Variants in MBNL3 observed in about 807,000 individuals in gnomAD.
MBNL3 encodes muscleblind like splicing regulator 3.
A neutral mutation model predicts 24.5 loss-of-function variants in MBNL3; 6 were observed. The observed-to-expected ratio is 0.25, with a 90% CI of 0.13 to 0.48. The LOEUF (loss-of-function observed/expected upper bound fraction) is 0.48, where lower values mean the gene tolerates loss of function less well. MBNL3 is among the 20% of genes least tolerant of loss of function. The pLI, the probability that MBNL3 is intolerant of heterozygous loss-of-function variation, is 0.99. For synonymous variants in MBNL3, 100 were observed against 101.7 expected, an observed-to-expected ratio of 0.98 and a Z score of 0.10; for missense variants, 230 against 293.5, an observed-to-expected ratio of 0.78 and a Z score of 1.58.
At chrX:132,468,069 GCTGA>G (rs1195162223) in intron 1 of MBNL3, among the ~76,000 whole-genome samples, 3 of 112,071 alleles carry the variant, frequency 2.7e-5, no homozygotes, top group Non-Finnish European at 5.6e-5. Context: ...GATGCTACTG[GCTGA>G]CTAAAATAAA....
At chrX:132,388,194 C>G (rs913888694) in intron 5 of MBNL3, among the ~76,000 whole-genome samples, 3 of 111,582 alleles carry the variant, frequency 2.7e-5, no homozygotes, top group Admixed American at 1.9e-4. Flanking sequence ...TGTGACAGAT[C>G]TGCTTTTCAT....
chrX:132,465,673 T>A (rs1946848493), intron 1 of MBNL3, among the ~76,000 whole-genome samples: 1 of 111,945 alleles, frequency 8.9e-6, no homozygotes, highest in Non-Finnish European at 1.9e-5. Context: ...TCCCTCCAAA[T>A]ACAAATGCAT....
At chrX:132,431,968 C>T (rs1944775567) in intron 2 of MBNL3, 1 of 111,808 alleles carries the variant, frequency 8.9e-6, no homozygotes, top group Admixed American at 9.5e-5. Context: ...GATTTACTAA[C>T]TAGAATCCTG....
At chrX:132,396,955 T>TAC (rs1367890326) in intron 3 of MBNL3, among the ~76,000 whole-genome samples, 2 of 83,543 alleles carry the variant, frequency 2.4e-5, no homozygotes, top group East Asian at 3.5e-4. Context: ...TATTCATATA[T>TAC]ATTCATATAT....
intron 5 of MBNL3, among the ~76,000 whole-genome samples, chrX:132,389,465 A>G (rs950323076): frequency 1.8e-5 from 2 of 112,169 alleles, no homozygotes; most frequent in African/African-American, 6.5e-5. Context: ...TCAACTCGGT[A>G]TGAGGAAAAC....
chrX:132,443,000 C>T (rs1427230828), intron 1 of MBNL3, among the ~76,000 whole-genome samples: 2 of 112,005 alleles, frequency 1.8e-5, no homozygotes, highest in African/African-American at 3.2e-5. Flanking sequence ...TTCTTAAGAT[C>T]AGTTTTGTTT....
At chrX:132,391,802 T>C (rs1937215176) in intron 4 of MBNL3, among the ~76,000 whole-genome samples, 2 of 111,812 alleles carry the variant, frequency 1.8e-5, no homozygotes, top group African/African-American at 6.5e-5. Context: ...TCTACTTTTT[T>C]CCCACTTTGA....
intron 1 of MBNL3, among the ~76,000 whole-genome samples, chrX:132,488,127 C>G (rs1331238804): frequency 3.6e-5 from 4 of 111,884 alleles, no homozygotes; most frequent in Non-Finnish European, 5.6e-5. Context: ...GTAAGAACAT[C>G]TAGGAGAAAA....
chrX:132,451,743 G>A (rs1386021783), intron 1 of MBNL3, among the ~76,000 whole-genome samples: 2 of 111,643 alleles, frequency 1.8e-5, no homozygotes, highest in Non-Finnish European at 3.8e-5. Context: ...AGCTAGCTCA[G>A]TGTCTCCCCA....
At chrX:132,479,385 C>T (rs1233086698) in intron 1 of MBNL3, among the ~76,000 whole-genome samples, 2 of 112,652 alleles carry the variant, frequency 1.8e-5, no homozygotes, top group Non-Finnish European at 3.7e-5. Context: ...GTTTCTAAAT[C>T]GAATACGGTC....
At chrX:132,409,482 T>A (rs1196981025) in intron 2 of MBNL3, among the ~76,000 whole-genome samples, 1 of 111,648 alleles carries the variant, frequency 9.0e-6, no homozygotes, top group African/African-American at 3.3e-5. Flanking sequence ...CCCTATCACA[T>A]TGGGTCTATA....
intron 1 of MBNL3, among the ~76,000 whole-genome samples, chrX:132,485,461 T>C (rs1024096479): frequency 2.7e-5 from 3 of 112,340 alleles, no homozygotes; most frequent in Non-Finnish European, 5.6e-5. Flanking sequence ...AATATTTTCT[T>C]ATCCCTTTCA....
intron 2 of MBNL3, among the ~76,000 whole-genome samples, chrX:132,436,444 C>T (rs969392271): frequency 2.7e-5 from 3 of 111,816 alleles, no homozygotes; most frequent in African/African-American, 9.7e-5. Context: ...AGGCAATAAC[C>T]ATCATCTGGT....
At chrX:132,469,185 C>T (rs779161584) in intron 1 of MBNL3, among the ~76,000 whole-genome samples, 1 of 112,449 alleles carries the variant, frequency 8.9e-6, no homozygotes, top group African/African-American at 3.2e-5. Context: ...AGGGTTTCAG[C>T]ATCCCCATCA....
At position 132,380,415 on chromosome X, in the gene MBNL3, C is replaced by T. The variant is rs139173888; in HGVS notation, c.1054-738G>A. ...CTCTGGAAACAATGACAATTTATAG[C>T]TCCTTCAGTTATCCCATGTGCTCAA... On this transcript the variant is annotated intron_variant, in intron 8 of 8. Coordinates refer to ENST00000370853, the MANE Select transcript of MBNL3 (RefSeq NM_001386889.1). Among the ~76,000 whole-genome samples the T allele has an allele frequency of 1.8e-3, 197 of 111,888 alleles. 3 individuals are homozygous for T. In the East Asian group the frequency reaches 0.046, roughly 26 times the overall value.
chrX:132,441,169 T>C (rs1945370844), intron 1 of MBNL3, among the ~76,000 whole-genome samples: 1 of 112,384 alleles, frequency 8.9e-6, no homozygotes, highest in Admixed American at 9.4e-5. Flanking sequence ...TTCTAAAATG[T>C]ATTCTGTGTA....
intron 1 of MBNL3, among the ~76,000 whole-genome samples, chrX:132,456,473 A>T (rs1248353761): frequency 1.8e-5 from 2 of 112,209 alleles, no homozygotes. Flanking sequence ...AGTAATAGAT[A>T]TTAATAATAG....
chrX:132,402,952 A>C (rs1210252167), intron 3 of MBNL3, among the ~76,000 whole-genome samples: 1 of 112,088 alleles, frequency 8.9e-6, no homozygotes, highest in East Asian at 2.8e-4. Flanking sequence ...AAAGACATGA[A>C]GTTCAAGCCA....
Position 132,384,644 on chromosome X carries a change from A to AT in MBNL3, c.958+18dup. On this transcript the variant is annotated intron_variant, in intron 7 of 8. Transcript: ENST00000370853. Reference sequence around the variant, plus strand: ...TTTTTCAGATTAGAAAATGTTGATAATTTTTGTAGAAAACCTACCAATATT... The same window carrying AT: ...TTTTTCAGATTAGAAAATGTTGATAATTTTTTGTAGAAAACCTACCAATATT... 8.4e-7 allele frequency: 1 copy of AT among 1,185,625 alleles called. No individual in the cohort carries two copies. Among genetic ancestry groups the AT allele is most frequent in the Non-Finnish European group, 1.1e-6 (1 of 877,618 alleles).
Sources: allele counts gnomAD v4.1 joint callset (sites outside exome capture counted in the v4.1 genomes callset), GRCh38; gene constraint gnomAD v4.1.1; transcripts MANE v1.5; gene names NCBI Gene and HGNC (gene_info 2026-07-23, HGNC 2026-07-21).